Variants in CCSER1 observed in about 807,000 individuals in gnomAD.
CCSER1 encodes the protein coiled-coil serine rich protein 1, also known as serine-rich coiled-coil domain-containing protein 1.
In CCSER1, 41 loss-of-function variants were observed where a neutral mutation model predicts 82.0. The ratio of observed to expected loss-of-function variants is 0.50; its 90% confidence interval spans 0.39 to 0.65. The LOEUF is 0.65. CCSER1 is among the 30% of genes least tolerant of loss of function. The probability of loss-of-function intolerance (pLI) is 0.00; values close to 1 mark genes in which losing one functional copy is unlikely to be tolerated. For synonymous variants in CCSER1, 414 were observed against 383.9 expected (o/e 1.08, Z -0.92); for missense variants, 1,119 against 1,064.2 (o/e 1.05, Z -0.72).
At chr4:90,249,642 G>T (rs1722038689) in intron 1 of CCSER1, among the ~76,000 whole-genome samples, 1 of 152,012 alleles carries the variant, frequency 6.6e-6, no homozygotes, top group Non-Finnish European at 1.5e-5. Context: ...TGTTTTCAAG[G>T]TGCATCCATG....
intron 8 of CCSER1, among the ~76,000 whole-genome samples, chr4:90,915,788 C>G (rs1383254668): frequency 1.3e-5 from 2 of 152,070 alleles, no homozygotes; most frequent in African/African-American, 2.4e-5. Flanking sequence ...CCAAAATCTC[C>G]TTAAGCTGAT....
chr4:90,328,181 C>T (rs974895758), intron 3 of CCSER1, among the ~76,000 whole-genome samples: 15 of 151,996 alleles, frequency 9.9e-5, no homozygotes, highest in African/African-American at 1.9e-4. Flanking sequence ...TGAATAGGCA[C>T]GACAATCACA....
intron 6 of CCSER1, among the ~76,000 whole-genome samples, chr4:90,647,615 A>T (rs1727825721): frequency 6.6e-6 from 1 of 152,208 alleles, no homozygotes; most frequent in African/African-American, 2.4e-5. Context: ...ATTGTGAAAA[A>T]TAAAAACTAT....
intron 10 of CCSER1, among the ~76,000 whole-genome samples, chr4:91,117,176 C>T (rs916462614): frequency 2.0e-5 from 3 of 152,192 alleles, no homozygotes; most frequent in Non-Finnish European, 4.4e-5. Context: ...ATTACAGCAA[C>T]ATCCATTTAT....
intron 10 of CCSER1, among the ~76,000 whole-genome samples, chr4:91,289,297 T>A (rs1433821331): frequency 6.6e-6 from 1 of 152,042 alleles, no homozygotes; most frequent in Non-Finnish European, 1.5e-5. Context: ...ATAAAATGTC[T>A]GCTTTCCACA....
chr4:90,592,035 A>G (rs1782770284), intron 5 of CCSER1, among the ~76,000 whole-genome samples: 1 of 152,002 alleles, frequency 6.6e-6, no homozygotes, highest in Non-Finnish European at 1.5e-5. Context: ...GGTCTGTCGC[A>G]GGATGGGAGC....
At chr4:90,683,654 T>C (rs1183964552) in intron 6 of CCSER1, among the ~76,000 whole-genome samples, 2 of 152,140 alleles carry the variant, frequency 1.3e-5, no homozygotes, top group Non-Finnish European at 2.9e-5. Flanking sequence ...CAAACATATG[T>C]ATTTAAAACA....
intron 10 of CCSER1, among the ~76,000 whole-genome samples, chr4:91,461,260 C>A (rs1425630828): frequency 6.6e-6 from 1 of 152,116 alleles, no homozygotes; most frequent in Non-Finnish European, 1.5e-5. Context: ...TGCCATGTTT[C>A]AAAAATTATT....
At chr4:90,266,422 AT>A (rs397968126) in intron 1 of CCSER1, among the ~76,000 whole-genome samples, 44 of 148,360 alleles carry the variant, frequency 3.0e-4, no homozygotes, top group South Asian at 4.3e-4. Flanking sequence ...AAAATTGGGA[AT>A]TTTTTTTTTT....
intron 4 of CCSER1, among the ~76,000 whole-genome samples, chr4:90,444,463 G>T (rs1358324236): frequency 1.3e-5 from 2 of 151,908 alleles, no homozygotes; most frequent in Admixed American, 6.6e-5. Flanking sequence ...ATTTATAGTT[G>T]GTTTTTGCCA....
intron 10 of CCSER1, among the ~76,000 whole-genome samples, chr4:91,099,090 T>C (rs1393445088): frequency 6.6e-6 from 1 of 152,190 alleles, no homozygotes; most frequent in Non-Finnish European, 1.5e-5. Flanking sequence ...CAAGTTTTCT[T>C]TGATAATTTT....
Position 90,266,998 on chromosome 4 carries a change from G to A in CCSER1, c.-41-41246G>A, listed in dbSNP as rs527452691. On this transcript the variant is annotated intron_variant, in intron 1 of 10. Transcript: ENST00000509176. ...GGGACTTTGTTTTGCATCTTAAGTAGCAGCTCTGCCACTGTGGGGTAGAGC... is the reference window on the plus strand; with the variant it reads ...GGGACTTTGTTTTGCATCTTAAGTAACAGCTCTGCCACTGTGGGGTAGAGC... Among the ~76,000 whole-genome samples the A allele has an allele frequency of 5.4e-3, 825 of 151,956 alleles. 6 individuals are homozygous for A. The highest frequency in any genetic ancestry group is 9.1e-3 in the Non-Finnish European group (617 of 67,938).
intron 10 of CCSER1, among the ~76,000 whole-genome samples, chr4:91,161,816 C>G (rs1307811115): frequency 6.6e-6 from 1 of 152,114 alleles, no homozygotes; most frequent in East Asian, 1.9e-4. Flanking sequence ...AGTTGCTTAT[C>G]AGCTTAAGGA....
intron 10 of CCSER1, among the ~76,000 whole-genome samples, chr4:91,172,396 G>A (rs1346835321): frequency 6.6e-6 from 1 of 152,146 alleles, no homozygotes; most frequent in East Asian, 1.9e-4. Context: ...CTAGGAAAAG[G>A]CAACAACATG....
intron 8 of CCSER1, among the ~76,000 whole-genome samples, chr4:90,897,562 A>T (rs370856242): frequency 6.6e-6 from 1 of 152,040 alleles, no homozygotes; most frequent in African/African-American, 2.4e-5. Context: ...GGTTGGTTTC[A>T]TGACTTTACT....
intron 7 of CCSER1, among the ~76,000 whole-genome samples, chr4:90,812,766 T>C (rs1248605951): frequency 6.6e-6 from 1 of 152,102 alleles, no homozygotes; most frequent in Non-Finnish European, 1.5e-5. Context: ...AGCAAGGTAC[T>C]TCTTCACAAA....
chr4:91,268,627 C>T (rs1012211218), intron 10 of CCSER1, among the ~76,000 whole-genome samples: 1 of 152,060 alleles, frequency 6.6e-6, no homozygotes, highest in Non-Finnish European at 1.5e-5. Context: ...TGGGTGCAGG[C>T]TGGCTGAGTC....
intron 10 of CCSER1, among the ~76,000 whole-genome samples, chr4:91,254,439 C>G (rs1740514868): frequency 1.3e-5 from 2 of 152,012 alleles, no homozygotes; most frequent in Non-Finnish European, 2.9e-5. Context: ...GTGAAATAAG[C>G]CAATCATAAA....
chr4:90,198,874 T>C (rs979342228), intron 1 of CCSER1, among the ~76,000 whole-genome samples: 1 of 152,202 alleles, frequency 6.6e-6, no homozygotes, highest in African/African-American at 2.4e-5. Context: ...TGAAACTTTT[T>C]AGATTATTCA....
Sources: gnomAD v4.1 joint callset for allele counts (sites outside exome capture counted in the v4.1 genomes callset) on GRCh38, gnomAD v4.1.1 for gene constraint, MANE v1.5 for transcripts, NCBI Gene and HGNC (gene_info 2026-07-23, HGNC 2026-07-21) for gene names.